PSD3: variants seen among roughly 807,000 people sequenced by gnomAD.
PSD3 encodes PH and SEC7 domain-containing protein 3.
PSD3 carries 49 observed loss-of-function variants against 105.5 expected under a neutral mutation model. The observed-to-expected ratio is 0.46, with a 90% CI of 0.37 to 0.59. PSD3 has a LOEUF of 0.59. PSD3 is among the 20% of genes least tolerant of loss of function. The probability of loss-of-function intolerance (pLI) is 0.00; values close to 1 mark genes in which losing one functional copy is unlikely to be tolerated. For synonymous variants in PSD3, 557 were observed against 457.8 expected, an observed-to-expected ratio of 1.22 and a Z score of -2.77; for missense variants, 1,561 against 1,263.8, an observed-to-expected ratio of 1.24 and a Z score of -3.57.
chr8:19,062,554 T>G (rs1329419168), intron 1 of PSD3, among the ~76,000 whole-genome samples: 2 of 152,210 alleles, frequency 1.3e-5, no homozygotes, highest in African/African-American at 4.8e-5. Flanking sequence ...ACCATTCAAT[T>G]CCTAATGCTT....
intron 1 of PSD3, among the ~76,000 whole-genome samples, chr8:19,038,781 A>G (rs543315555): frequency 4.6e-5 from 7 of 152,320 alleles, no homozygotes; most frequent in African/African-American, 1.7e-4. Flanking sequence ...AAGAGAAATA[A>G]TACCTAAATT....
chr8:18,626,043 T>C (rs1806449452), intron 11 of PSD3, among the ~76,000 whole-genome samples: 1 of 152,166 alleles, frequency 6.6e-6, no homozygotes, highest in African/African-American at 2.4e-5. Context: ...CGTTTTGTTT[T>C]CCAAATTTGA....
At chr8:18,913,076 C>CACACACAA (rs1820344705) in intron 2 of PSD3, among the ~76,000 whole-genome samples, 1 of 134,086 alleles carries the variant, frequency 7.5e-6, no homozygotes, top group African/African-American at 2.9e-5. Flanking sequence ...TAAACACACA[C>CACACACAA]ACACACACAA....
chr8:18,801,568 A>T (rs1797127055), intron 6 of PSD3, among the ~76,000 whole-genome samples, 186 bp from the exon 7 acceptor site: 1 of 152,152 alleles, frequency 6.6e-6, no homozygotes, highest in African/African-American at 2.4e-5. Context: ...ATTAGTATTT[A>T]AATTCTATAA....
At chr8:18,911,405 G>A (rs1018406376) in intron 2 of PSD3, among the ~76,000 whole-genome samples, 2 of 152,298 alleles carry the variant, frequency 1.3e-5, no homozygotes, top group Admixed American at 1.3e-4. Flanking sequence ...GCAGGATATG[G>A]TGGAGAGACA....
intron 1 of PSD3, among the ~76,000 whole-genome samples, chr8:18,990,189 G>A (rs918759100): frequency 2.0e-5 from 3 of 152,068 alleles, no homozygotes; most frequent in Admixed American, 6.5e-5. Context: ...TTCTTCACAG[G>A]GCATCCAGAG....
At chr8:18,652,868 A>G (rs892104316) in intron 10 of PSD3, among the ~76,000 whole-genome samples, 1 of 152,170 alleles carries the variant, frequency 6.6e-6, no homozygotes, top group African/African-American at 2.4e-5. Context: ...GTTCTAAATA[A>G]AAAGCACCAG....
intron 12 of PSD3, among the ~76,000 whole-genome samples, chr8:18,586,429 G>A (rs1466225154): frequency 1.3e-5 from 2 of 152,130 alleles, no homozygotes; most frequent in East Asian, 3.9e-4. Flanking sequence ...TGTTCTATAT[G>A]GGTAAAAATC....
intron 9 of PSD3, chr8:18,684,204 C>CCA (rs67855105): frequency 0.026 from 4,995 of 195,562 alleles, 101 homozygotes; most frequent in African/African-American, 0.048. Context: ...TCTCTCTTTT[C>CCA]CACACACACA....
chr8:18,813,873 C>T (rs558922139), intron 4 of PSD3, among the ~76,000 whole-genome samples: 21 of 152,262 alleles, frequency 1.4e-4, no homozygotes, highest in African/African-American at 2.2e-4. Flanking sequence ...GTCTGGCATA[C>T]GGTAAACAAA....
intron 9 of PSD3, among the ~76,000 whole-genome samples, chr8:18,662,389 TAGTC>T (rs1358543403): frequency 1.3e-5 from 2 of 152,220 alleles, no homozygotes; most frequent in African/African-American, 4.8e-5. Flanking sequence ...AGTGAAGAAT[TAGTC>T]AGCTAATGGA....
chr8:19,014,157 C>T (rs961931232), upstream of PSD3: 2 of 152,446 alleles, frequency 1.3e-5, no homozygotes, highest in Non-Finnish European at 2.9e-5. This position sits in a 1 kb window ranked among gnomAD's most constrained non-coding sequence, Gnocchi z 4.9. Context: ...GGCCGTGTGA[C>T]TGGAGCCGCG....
chr8:18,763,060 T>C (rs9792382), intron 9 of PSD3: 91,150 of 509,242 alleles, frequency 0.18, 13,391 homozygotes, highest in African/African-American at 0.5. Flanking sequence ...AATAAATGTT[T>C]CCAGCTACAA....
In PSD3 at chr8:18,600,390, T is replaced by G. The variant is rs373145133; in HGVS notation, c.2455A>C (p.Lys819Gln). 4.4e-6 allele frequency: 7 copies of G among 1,608,426 alleles called. No homozygotes were observed. Among genetic ancestry groups the G allele is most frequent in the Non-Finnish European group, 5.9e-6 (7 of 1,178,644 alleles). Residue 819 changes from lysine (K) to glutamine (Q), a missense_variant, in exon 12 of 16, where the codon AAG (lysine) becomes CAG (glutamine). Coordinates refer to ENST00000327040, the MANE Select transcript of PSD3 (RefSeq NM_015310.4). ...TTTTGCAAGTAAAGAACTGTTCCCT[T>G]CAGTACAGCATAAAAGGTTTTCCAT... ...RGWKTFYAVL[K>Q]GTVLYLQKDE... is the part of the protein sequence containing the mutation.
At chr8:18,544,398 T>A (rs73209783) in intron 15 of PSD3, among the ~76,000 whole-genome samples, 1 of 151,642 alleles carries the variant, frequency 6.6e-6, no homozygotes, top group Non-Finnish European at 1.5e-5. Flanking sequence ...ATGCTGGAAA[T>A]AACATTTTTA....
intron 1 of PSD3, among the ~76,000 whole-genome samples, chr8:19,082,829 A>T (rs1003770999): frequency 2.0e-5 from 3 of 152,192 alleles, no homozygotes. Context: ...CCCGGTAGGA[A>T]ATGAGAGATG....
At chr8:18,732,577 T>A (rs143553953) in intron 9 of PSD3, among the ~76,000 whole-genome samples, 1 of 152,332 alleles carries the variant, frequency 6.6e-6, no homozygotes, top group East Asian at 1.9e-4. Flanking sequence ...CTGGAGCACC[T>A]TGATGCTCCT....
intron 14 of PSD3, among the ~76,000 whole-genome samples, chr8:18,561,317 T>C (rs1245359984): frequency 3.9e-5 from 6 of 152,184 alleles, no homozygotes; most frequent in Non-Finnish European, 7.4e-5. Flanking sequence ...GGAAATTCTG[T>C]CATTTGCGAC....
intron 4 of PSD3, chr8:18,865,225 TA>T (rs1040288102): frequency 6.6e-3 from 30 of 4,532 alleles, no homozygotes; most frequent in South Asian, 0.029. Flanking sequence ...GATTCTATGT[TA>T]TATATATATA....
Sources: gnomAD v4.1 joint callset for allele counts (sites outside exome capture counted in the v4.1 genomes callset) on GRCh38, gnomAD v4.1.1 for gene constraint, Gnocchi (gnomAD v3.1) non-coding constraint, MANE v1.5 for transcripts, NCBI Gene and HGNC (gene_info 2026-07-23, HGNC 2026-07-21) for gene names.